RHOT1: variants seen among roughly 807,000 people sequenced by gnomAD.
RHOT1 encodes mitochondrial Rho GTPase 1.
In RHOT1, 27 loss-of-function variants were observed where a neutral mutation model predicts 95.3. The ratio of observed to expected loss-of-function variants is 0.28; its 90% CI spans 0.21 to 0.39. The LOEUF (loss-of-function observed/expected upper bound fraction) is 0.39, where lower values mean the gene tolerates loss of function less well. Among genes scored for constraint, RHOT1 ranks in the 10% least tolerant of loss-of-function variants. The probability of loss-of-function intolerance (pLI) is 1.00; values close to 1 mark genes in which losing one functional copy is unlikely to be tolerated. For missense variants in RHOT1, 578 were observed against 786.7 expected (o/e 0.73, Z 3.17); for synonymous variants, 227 against 263.5 (o/e 0.86, Z 1.34).
chr17:32,171,643 A>G (rs369940751), intron 2 of RHOT1, among the ~76,000 whole-genome samples: 7 of 152,254 alleles, frequency 4.6e-5, no homozygotes, highest in South Asian at 4.1e-4. Context: ...CAAAACATAA[A>G]AAAGATAATG....
At chr17:32,163,522 A>T (rs1419103937) in intron 1 of RHOT1, among the ~76,000 whole-genome samples, 1 of 152,042 alleles carries the variant, frequency 6.6e-6, no homozygotes, top group African/African-American at 2.4e-5. Context: ...CACAAGGTCA[A>T]GAGTTCGAGA....
intron 1 of RHOT1, among the ~76,000 whole-genome samples, chr17:32,156,208 G>A (rs988989074): frequency 6.6e-6 from 1 of 152,204 alleles, no homozygotes; most frequent in Non-Finnish European, 1.5e-5. Flanking sequence ...AAAACATACA[G>A]TTTGCAGATC....
In RHOT1 at chr17:32,224,876, A is replaced by C; in HGVS notation, c.*143A>C. 1 of 540,044 alleles carries C rather than the reference A, an allele frequency of 1.9e-6. No homozygotes were observed. Among genetic ancestry groups the C allele is most frequent in the Non-Finnish European group, 3.3e-6 (1 of 303,050 alleles). 33.5% of individuals were successfully genotyped at this position (540,044 alleles called of 1,614,324 possible). On this transcript the variant is annotated 3_prime_UTR_variant, in exon 20 of 20. Transcript: ENST00000545287. The stretch of plus-strand genomic sequence containing the variant: ...TGTAATTCATGCATAAGAGTATTTT[A>C]ATGATAGTTATAACTGCAGTATTGG...
At chr17:32,182,312 A>AC (rs1666528315) in intron 6 of RHOT1, among the ~76,000 whole-genome samples, 1 of 151,094 alleles carries the variant, frequency 6.6e-6, no homozygotes, top group African/African-American at 2.5e-5. Flanking sequence ...ACCCTTCTCT[A>AC]CAAAAAAAAA....
chr17:32,170,448 T>C (rs2034486857), intron 1 of RHOT1, among the ~76,000 whole-genome samples: 1 of 152,114 alleles, frequency 6.6e-6, no homozygotes, highest in Admixed American at 6.6e-5. Context: ...AATATTAATA[T>C]AAAATGGGTT....
chr17:32,167,775 G>A (rs970797332), intron 1 of RHOT1, among the ~76,000 whole-genome samples: 10 of 152,144 alleles, frequency 6.6e-5, no homozygotes, highest in South Asian at 4.1e-4. Flanking sequence ...TGGTTGGGTC[G>A]TATAATACCA....
At position 32,145,692 on chromosome 17, in the gene RHOT1, A is replaced by G. The variant is rs114666771; in HGVS notation, c.37+2963A>G. ...ATATATACAGATTCATATTTAGAAA[A>G]TATCTCAGATTCTGCTATGCACCTT... is the stretch of plus-strand genomic sequence containing the variant. On this transcript the variant is annotated intron_variant, in intron 1 of 19. Transcript: ENST00000545287. 3.5e-3 allele frequency among the ~76,000 whole-genome samples: 530 copies of G among 152,236 alleles called. 4 individuals are homozygous for G. The highest frequency in any genetic ancestry group is 0.012 in the African/African-American group (491 of 41,516).
intron 19 of RHOT1, among the ~76,000 whole-genome samples, chr17:32,219,990 A>G (rs1229408217): frequency 6.6e-6 from 1 of 152,234 alleles, no homozygotes; most frequent in East Asian, 1.9e-4. Flanking sequence ...ACCTTGTAAC[A>G]TTTAATTCTG....
chr17:32,207,112 A>T, intron 17 of RHOT1, 83 bp downstream of exon 17: 1 of 1,283,962 alleles, frequency 7.8e-7, no homozygotes, highest in East Asian at 2.4e-5. Context: ...TCCTAACCAC[A>T]AAAATGCAAC....
rs2039030284 is a variant in RHOT1, at chr17:32,224,559, G to A, written c.1863-57G>A. The A allele has an allele frequency of 1.8e-5, 22 of 1,213,932 alleles. No homozygotes were observed. The South Asian group carries it at 2.7e-4, about 15-fold the overall frequency. The allele number at this position is 1,213,932 out of a possible 1,614,324, so 75.2% of individuals were successfully genotyped here. On this transcript the variant is annotated intron_variant, in intron 19 of 19. Transcript: ENST00000545287. ...CTAAAAGTAGACTGCTAAATAACTGGTATAGGGTTTTCATACTAATCATGT... is the reference window on the plus strand; with the variant it reads ...CTAAAAGTAGACTGCTAAATAACTGATATAGGGTTTTCATACTAATCATGT...
intron 6 of RHOT1, among the ~76,000 whole-genome samples, chr17:32,180,550 TTATC>T (rs1362976034): frequency 6.6e-6 from 1 of 151,676 alleles, no homozygotes; most frequent in Admixed American, 6.6e-5. Context: ...GTTCACATGT[TTATC>T]TGCTGACCTT....
chr17:32,157,853 T>A (rs1195330740), intron 1 of RHOT1, among the ~76,000 whole-genome samples: 1 of 152,114 alleles, frequency 6.6e-6, no homozygotes, highest in African/African-American at 2.4e-5. Flanking sequence ...ACGTGTGTCT[T>A]AATTGGATCA....
In RHOT1 at chr17:32,148,686, A is replaced by G. The variant is rs187941382; in HGVS notation, c.37+5957A>G. Reference sequence around the variant, plus strand: ...CTCCCCCTAGTGTATTCTAATTTCAATAACTTAGGAAGAGCCAACAACGCT... The same window carrying G: ...CTCCCCCTAGTGTATTCTAATTTCAGTAACTTAGGAAGAGCCAACAACGCT... On this transcript the variant is annotated intron_variant, in intron 1 of 19. Coordinates refer to ENST00000545287, the MANE Select transcript of RHOT1 (RefSeq NM_001033566.3). Among the ~76,000 whole-genome samples the G allele has an allele frequency of 5.9e-5, 9 of 152,358 alleles. No homozygotes were observed. The East Asian group carries it at 7.7e-4, about 13-fold the overall frequency.
intron 10 of RHOT1, among the ~76,000 whole-genome samples, chr17:32,193,687 AT>A (rs2036661817): frequency 6.6e-6 from 1 of 152,204 alleles, no homozygotes; most frequent in African/African-American, 2.4e-5. Flanking sequence ...CATGACAAAA[AT>A]AAGCTCAAAG....
intron 8 of RHOT1, among the ~76,000 whole-genome samples, chr17:32,191,648 A>C (rs965451709): frequency 1.3e-5 from 2 of 152,252 alleles, no homozygotes; most frequent in Non-Finnish European, 2.9e-5. Context: ...TTTTTAAAGT[A>C]TAAATAATTC....
At chr17:32,202,469 T>C (rs1308291245) in intron 14 of RHOT1, among the ~76,000 whole-genome samples, 1 of 152,212 alleles carries the variant, frequency 6.6e-6, no homozygotes, top group Non-Finnish European at 1.5e-5. Flanking sequence ...TTTTCATTCA[T>C]TTATAGGATA....
intron 19 of RHOT1, among the ~76,000 whole-genome samples, chr17:32,219,004 C>T (rs2038662451): frequency 6.6e-6 from 1 of 151,908 alleles, no homozygotes; most frequent in African/African-American, 2.4e-5. Flanking sequence ...AAATCTATAC[C>T]TGAGATATAT....
At chr17:32,167,930 A>G (rs2034233618) in intron 1 of RHOT1, among the ~76,000 whole-genome samples, 1 of 152,068 alleles carries the variant, frequency 6.6e-6, no homozygotes, top group Non-Finnish European at 1.5e-5. Flanking sequence ...GCTACTCAGG[A>G]GGCTAAGGCA....
At chr17:32,185,898 T>C (rs1410427272) in intron 8 of RHOT1, among the ~76,000 whole-genome samples, 1 of 151,906 alleles carries the variant, frequency 6.6e-6, no homozygotes, top group Non-Finnish European at 1.5e-5. Context: ...TTTTTAAATT[T>C]TCTAGTAAAG....
Sources: gnomAD v4.1 joint callset for allele counts (sites outside exome capture counted in the v4.1 genomes callset) on GRCh38, gnomAD v4.1.1 for gene constraint, MANE v1.5 for transcripts, NCBI Gene and HGNC (gene_info 2026-07-23, HGNC 2026-07-21) for gene names.